Variants in ANKRD11 observed in about 807,000 individuals in gnomAD.
ANKRD11 encodes ankyrin repeat domain-containing protein 11.
Under a neutral mutation model 195.7 loss-of-function variants are expected in ANKRD11, and 17 were observed. The ratio of observed to expected loss-of-function variants is 0.09; its 90% CI spans 0.06 to 0.13. The LOEUF (loss-of-function observed/expected upper bound fraction) is 0.13. ANKRD11 is among the 10% of genes least tolerant of loss of function. The pLI is 1.00. For synonymous variants in ANKRD11, 1,953 were observed against 1,528.1 expected (o/e 1.28, Z -6.49); for missense variants, 3,735 against 3,566.1 (o/e 1.05, Z -1.21).
At chr16:89,456,735 G>C (rs2056454423) in intron 1 of ANKRD11, among the ~76,000 whole-genome samples, 1 of 152,146 alleles carries the variant, frequency 6.6e-6, no homozygotes, top group Non-Finnish European at 1.5e-5. Context: ...TATATTATAT[G>C]AACTCATTCC....
At position 89,291,310 on chromosome 16, in the gene ANKRD11, G is replaced by A; in HGVS notation, c.227-127C>T. The A allele has an allele frequency of 8.2e-7, 1 of 1,212,358 alleles. No homozygotes were observed. The allele number at this position is 1,212,358 out of a possible 1,614,324, so 75.1% of individuals were successfully genotyped here. A position where few individuals can be genotyped will look rare whatever the true frequency, so the allele number is the denominator to read the frequency against. Reference sequence around the variant, plus strand: ...GACAGCTGACAGAGCAGAAAGGAAGGTCTGTGTATGGGGAAAGCACAGCGG... The same window carrying A: ...GACAGCTGACAGAGCAGAAAGGAAGATCTGTGTATGGGGAAAGCACAGCGG... On this transcript the variant is annotated intron_variant, in intron 4 of 12. Coordinates refer to ENST00000301030, the MANE Select transcript of ANKRD11 (RefSeq NM_013275.6). The surrounding 1 kb of genome is among the most constrained non-coding windows in gnomAD (Gnocchi z 5.3).
At chr16:89,388,450 T>G (rs1220785941) in intron 2 of ANKRD11, among the ~76,000 whole-genome samples, 2 of 152,020 alleles carry the variant, frequency 1.3e-5, no homozygotes, top group African/African-American at 4.8e-5. Context: ...TGATTTTTAA[T>G]GTCTTGAAAA....
intron 1 of ANKRD11, among the ~76,000 whole-genome samples, chr16:89,428,081 G>A (rs190035529): frequency 1.4e-3 from 206 of 151,624 alleles, no homozygotes; most frequent in African/African-American, 4.6e-3. Flanking sequence ...GGTGGCGCGC[G>A]CCTGTAATCC....
Position 89,473,202 on chromosome 16 carries a change from G to C in ANKRD11, c.-145+17043C>G, listed in dbSNP as rs553948187. Among the ~76,000 whole-genome samples, 25 of 152,168 alleles carry C rather than the reference G, an allele frequency of 1.6e-4. No homozygotes were observed. In the South Asian group the frequency reaches 5.2e-3, roughly 32 times the overall value. Reference sequence around the variant, plus strand: ...CTCAAAAAAAAAAAAGGATCATTGGGAACATGGAGGCCTGAAGGATGAGTA... The same window carrying C: ...CTCAAAAAAAAAAAAGGATCATTGGCAACATGGAGGCCTGAAGGATGAGTA... On this transcript the variant is annotated intron_variant, in intron 1 of 12. Transcript: ENST00000301030.
chr16:89,322,412 G>A (rs774898403), intron 2 of ANKRD11, among the ~76,000 whole-genome samples: 1 of 152,260 alleles, frequency 6.6e-6, no homozygotes. Flanking sequence ...ACTAGTTTGT[G>A]TAATGACCAT....
rs147184161 is a variant in ANKRD11 at position 89,413,868 on chromosome 16, C to G, written c.-60+4416G>C. Among the ~76,000 whole-genome samples the G allele has an allele frequency of 6.9e-3, 1,047 of 152,244 alleles. 5 individuals carry two copies. Among genetic ancestry groups the G allele is most frequent in the Admixed American group, 0.012 (189 of 15,294 alleles). The stretch of plus-strand genomic sequence containing the variant: ...AAAGAGCCTCTCTCTGCTTTCAAGG[C>G]CAGACTGGGGGGAGGCAGGAGGGTG... On this transcript the variant is annotated intron_variant, in intron 2 of 12. Coordinates refer to ENST00000301030, the MANE Select transcript of ANKRD11 (RefSeq NM_013275.6).
At chr16:89,422,860 C>T (rs1177028121) in intron 1 of ANKRD11, among the ~76,000 whole-genome samples, 1 of 152,156 alleles carries the variant, frequency 6.6e-6, no homozygotes, top group Non-Finnish European at 1.5e-5. Flanking sequence ...TAATTCACTC[C>T]CACTTTAATC....
At chr16:89,430,067 C>T (rs1302889497) in intron 1 of ANKRD11, among the ~76,000 whole-genome samples, 3 of 129,434 alleles carry the variant, frequency 2.3e-5, no homozygotes, top group Admixed American at 7.6e-5. Flanking sequence ...TCTCAACTCT[C>T]ACGCTCAGAC....
chr16:89,373,772 C>T (rs1433168036), intron 2 of ANKRD11, among the ~76,000 whole-genome samples: 2 of 152,238 alleles, frequency 1.3e-5, no homozygotes, highest in African/African-American at 4.8e-5. Context: ...TGGGATCCCC[C>T]AAGAACCCAG....
chr16:89,434,563 C>G (rs969974331), intron 1 of ANKRD11, among the ~76,000 whole-genome samples: 1 of 152,194 alleles, frequency 6.6e-6, no homozygotes, highest in Non-Finnish European at 1.5e-5. Flanking sequence ...CAGAAGCATG[C>G]GGCTGGTCAG....
chr16:89,320,350 C>T (rs3114907), intron 2 of ANKRD11: 1 of 152,224 alleles, frequency 6.6e-6, no homozygotes, highest in South Asian at 2.1e-4. Flanking sequence ...CTAAATCTCC[C>T]TCATTTCCAA....
chr16:89,422,381 A>G (rs1216612673), intron 1 of ANKRD11, among the ~76,000 whole-genome samples: 1 of 152,140 alleles, frequency 6.6e-6, no homozygotes. Context: ...AAAAAAAAGG[A>G]TCTTGGATGT....
At chr16:89,481,461 G>C (rs749794577) in intron 1 of ANKRD11, among the ~76,000 whole-genome samples, 1 of 152,112 alleles carries the variant, frequency 6.6e-6, no homozygotes, top group Admixed American at 6.6e-5. Context: ...TGACGTTGAC[G>C]CAGGAGGCTC....
Position 89,283,850 on chromosome 16 carries a change from G to C in ANKRD11, c.2692C>G (p.Arg898Gly), listed in dbSNP as rs780011005. 12 of 1,613,996 alleles carry C rather than the reference G, an allele frequency of 7.4e-6. No individual in the cohort carries two copies. The highest frequency in any genetic ancestry group is 1.1e-5 in the South Asian group (1 of 91,068). Residue 898 changes from arginine to glycine, a missense_variant, in exon 9 of 13, where the codon CGA (arginine) becomes GGA (glycine). Coordinates refer to ENST00000301030, the MANE Select transcript of ANKRD11 (RefSeq NM_013275.6). This position sits in a 1 kb window ranked among gnomAD's most constrained non-coding sequence, Gnocchi z 4.3. ...CGGAAGAAGGGCTCTCTGTAGTCTC[G>C]CTTCTCCCGGGCCCGGCTGTCCCGC... Reference protein sequence around the residue: ...RRRDSRAREKRDYREPFFRKK... With the variant: ...RRRDSRAREKGDYREPFFRKK...
intron 1 of ANKRD11, among the ~76,000 whole-genome samples, chr16:89,461,551 G>A (rs922766906): frequency 4.6e-5 from 7 of 152,194 alleles, no homozygotes; most frequent in Middle Eastern, 6.8e-3. Context: ...CATTTGCCCA[G>A]GCTGGTCTCA....
intron 2 of ANKRD11, among the ~76,000 whole-genome samples, chr16:89,402,256 C>G (rs551796288): frequency 6.6e-6 from 1 of 152,160 alleles, no homozygotes; most frequent in African/African-American, 2.4e-5. Context: ...GGTGCCTACA[C>G]GTGACGTACG....
At chr16:89,312,127 A>G (rs2036638253) in intron 3 of ANKRD11, among the ~76,000 whole-genome samples, 2 of 152,132 alleles carry the variant, frequency 1.3e-5, no homozygotes, top group African/African-American at 4.8e-5. Flanking sequence ...CGAACTCCCG[A>G]CCTCGGGTGA....
At chr16:89,456,991 G>A (rs2965952) in intron 1 of ANKRD11, among the ~76,000 whole-genome samples, 2 of 140,962 alleles carry the variant, frequency 1.4e-5, no homozygotes, top group Non-Finnish European at 3.0e-5. Context: ...ACGGAGTCTC[G>A]CTCTGTCGCC....
intron 2 of ANKRD11, among the ~76,000 whole-genome samples, chr16:89,337,812 G>A (rs530922585): frequency 7.4e-4 from 113 of 152,210 alleles, no homozygotes; most frequent in African/African-American, 2.4e-3. Flanking sequence ...TGCCCAAGTC[G>A]CACGAGCAAG....
Sources: gnomAD v4.1 joint callset for allele counts (sites outside exome capture counted in the v4.1 genomes callset) on GRCh38, gnomAD v4.1.1 for gene constraint, Gnocchi (gnomAD v3.1) non-coding constraint, MANE v1.5 for transcripts, NCBI Gene and HGNC (gene_info 2026-07-23, HGNC 2026-07-21) for gene names.